The following ADAD1 variants were observed in gnomAD, a reference collection of about 807,000 sequenced individuals.
ADAD1 encodes the protein adenosine deaminase domain containing 1.
ADAD1 carries 46 observed loss-of-function variants against 66.8 expected under a neutral mutation model. That is an observed-to-expected ratio of 0.69 (90% CI 0.54 to 0.88). The LOEUF is 0.88. Ranked by LOEUF, ADAD1 falls within the 40% of genes least tolerant of loss-of-function variation. The pLI is 0.00. For missense variants in ADAD1, 617 were observed against 681.8 expected, an observed-to-expected ratio of 0.91 and a Z score of 1.06; for synonymous variants, 248 against 229.4, an observed-to-expected ratio of 1.08 and a Z score of -0.73.
At chr4:122,419,925 A>G (rs1796927735) in intron 11 of ADAD1, among the ~76,000 whole-genome samples, 1 of 152,228 alleles carries the variant, frequency 6.6e-6, no homozygotes. Flanking sequence ...AAAAAATATT[A>G]TCATGATTGA....
chr4:122,423,576 G>A (rs1307133276), intron 12 of ADAD1, among the ~76,000 whole-genome samples: 1 of 152,082 alleles, frequency 6.6e-6, no homozygotes, highest in African/African-American at 2.4e-5. Context: ...AGCAACAGTG[G>A]AGGCCATCCC....
At chr4:122,389,905 A>G (rs967337591) in intron 5 of ADAD1, among the ~76,000 whole-genome samples, 6 of 152,088 alleles carry the variant, frequency 3.9e-5, no homozygotes, top group Non-Finnish European at 8.8e-5. Context: ...TCATGATGCT[A>G]TTTGGTTATT....
chr4:122,396,768 A>G lies in ADAD1; in HGVS notation c.724+391A>G, dbSNP rs1409571748. Among the ~76,000 whole-genome samples the G allele has an allele frequency of 2.0e-5, 3 of 152,290 alleles. No homozygotes were observed. In the East Asian group the frequency reaches 5.8e-4, roughly 29 times the overall value. On this transcript the variant is annotated intron_variant, in intron 7 of 12. Coordinates refer to ENST00000296513, the MANE Select transcript of ADAD1 (RefSeq NM_139243.4). ...GTTTTTATCTTGTGTTAACGCTTTA[A>G]TGTTCTGAGTTCATCATTAATTAAA...
At chr4:122,422,268 G>A (rs1440572629) in intron 12 of ADAD1, among the ~76,000 whole-genome samples, 1 of 151,936 alleles carries the variant, frequency 6.6e-6, no homozygotes, top group Non-Finnish European at 1.5e-5. Context: ...GAGATTATAG[G>A]TGCACACCAC....
chr4:122,406,709 C>T (rs1796229028), intron 7 of ADAD1, among the ~76,000 whole-genome samples: 1 of 152,098 alleles, frequency 6.6e-6, no homozygotes, highest in Non-Finnish European at 1.5e-5. Flanking sequence ...ATTAGCTATA[C>T]TTCTCTCTTT....
chr4:122,421,487 T>G, intron 12 of ADAD1, 97 bp downstream of exon 12: 2 of 1,155,720 alleles, frequency 1.7e-6, no homozygotes, highest in Non-Finnish European at 2.3e-6. Flanking sequence ...GTTTGTTGAA[T>G]ACTTCCTGAA....
At chr4:122,411,093 A>T in intron 8 of ADAD1, 129 bp from the exon 9 acceptor site, 5 of 670,370 alleles carry the variant, frequency 7.5e-6, no homozygotes, top group Non-Finnish European at 9.5e-6. Context: ...AGATTGATTT[A>T]GGAGTTCTTA....
At chr4:122,421,417 C>T (rs1796996955) in intron 12 of ADAD1, 27 bp downstream of exon 12, 3 of 1,480,514 alleles carry the variant, frequency 2.0e-6, no homozygotes, top group Non-Finnish European at 2.7e-6. Flanking sequence ...ATAAAGTTAT[C>T]ATAGGAATAA....
chr4:122,429,735 T>A lies in ADAD1; in HGVS notation c.1727T>A (p.Met576Lys), dbSNP rs369500195. The A allele has an allele frequency of 4.4e-5, 70 of 1,591,070 alleles. No individual in the cohort carries two copies. The highest frequency in any genetic ancestry group is 5.9e-5 in the Non-Finnish European group (69 of 1,161,116). ...TCTCCCTGCATAGAGCAATTTAACATGTGAAATAGGCAATCCATTATCACA... is the reference window on the plus strand; with the variant it reads ...TCTCCCTGCATAGAGCAATTTAACAAGTGAAATAGGCAATCCATTATCACA... ...VKSPCIEQFN[M>K] The change falls in exon 13 of 13, where the codon ATG becomes AAG. Residue 576 changes from methionine to lysine, a missense_variant. By Grantham distance (95) the Met-to-Lys change is moderately conservative. Transcript: ENST00000296513.
chr4:122,380,105 G>A lies in ADAD1; in HGVS notation c.36G>A (p.Gln12=), dbSNP rs1181331899. 1 of 1,613,960 alleles carries A rather than the reference G, an allele frequency of 6.2e-7. No individual in the cohort carries two copies. Among genetic ancestry groups the A allele is most frequent in the Non-Finnish European group, 8.5e-7 (1 of 1,179,990 alleles). ...ACAATCATTGGTTTCAGAGTTCGCAGGTCCCCAGCTTTGCCCAGATGCTGA... is the reference window on the plus strand; with the variant it reads ...ACAATCATTGGTTTCAGAGTTCGCAAGTCCCCAGCTTTGCCCAGATGCTGA... ...ASNNHWFQSS[Q]VPSFAQMLKK... is the part of the protein sequence containing the mutation. Residue 12 remains glutamine, a synonymous_variant, in exon 3 of 13, where the codon CAG becomes CAA. Coordinates refer to ENST00000296513, the MANE Select transcript of ADAD1 (RefSeq NM_139243.4).
intron 5 of ADAD1, among the ~76,000 whole-genome samples, chr4:122,389,792 T>A (rs1274747720): frequency 6.6e-6 from 1 of 152,198 alleles, no homozygotes; most frequent in African/African-American, 2.4e-5. Flanking sequence ...CACCAATGGG[T>A]CTTGACTCCT....
intron 7 of ADAD1, among the ~76,000 whole-genome samples, chr4:122,398,765 T>TAA (rs2090911787): frequency 6.6e-6 from 1 of 152,126 alleles, no homozygotes; most frequent in Non-Finnish European, 1.5e-5. Context: ...TTGTCCATGT[T>TAA]ATATCTTCTT....
rs773680453 is a variant in ADAD1, at chr4:122,396,292, TAAAG to T, written c.645_648del (p.Glu215AspfsTer5). ...AATATGCAAAGATTTCACAGATCGTTAAAGAAAGATTTAATCAACTAATTTCTAA... is the reference window on the plus strand; with the variant it reads ...AATATGCAAAGATTTCACAGATCGTTAAAGATTTAATCAACTAATTTCTAA... On this transcript the variant is annotated frameshift_variant, in exon 7 of 13. Coordinates refer to ENST00000296513, the MANE Select transcript of ADAD1 (RefSeq NM_139243.4). LOFTEE classifies it high-confidence loss of function. The T allele has an allele frequency of 5.0e-6, 8 of 1,598,734 alleles. No individual in the cohort carries two copies. The highest frequency in any genetic ancestry group is 3.5e-5 in the Admixed American group (2 of 57,378).
At chr4:122,429,412 CT>C (rs1414538512) in intron 12 of ADAD1, among the ~76,000 whole-genome samples, 1 of 150,536 alleles carries the variant, frequency 6.6e-6, no homozygotes. Flanking sequence ...AGAACAAGAC[CT>C]TGGCTCTTAG....
chr4:122,418,210 A>G (rs567777476), intron 11 of ADAD1, among the ~76,000 whole-genome samples: 54 of 152,268 alleles, frequency 3.5e-4, no homozygotes, highest in African/African-American at 1.3e-3. Context: ...AACCACACAA[A>G]TATAATTTAA....
intron 5 of ADAD1, among the ~76,000 whole-genome samples, chr4:122,391,155 C>T (rs1250924558): frequency 6.6e-6 from 1 of 152,130 alleles, no homozygotes; most frequent in Non-Finnish European, 1.5e-5. Flanking sequence ...GGGTTCACTT[C>T]AGGCCCTATT....
At chr4:122,399,859 G>A (rs1216436870) in intron 7 of ADAD1, among the ~76,000 whole-genome samples, 2 of 150,812 alleles carry the variant, frequency 1.3e-5, no homozygotes, top group Non-Finnish European at 2.9e-5. Flanking sequence ...TTTGTATCCT[G>A]GAACTTTATT....
intron 11 of ADAD1, 151 bp downstream of exon 11, chr4:122,415,767 T>G: frequency 1.5e-6 from 1 of 680,472 alleles, no homozygotes; most frequent in Non-Finnish European, 2.2e-6. Context: ...TTACAGGCAT[T>G]GTACTAATTT....
chr4:122,421,542 C>T, intron 12 of ADAD1, 152 bp downstream of exon 12: 1 of 697,698 alleles, frequency 1.4e-6, no homozygotes, highest in Non-Finnish European at 2.0e-6. Context: ...TTTAAATGAA[C>T]ATGTCAGAAA....
Sources: allele counts gnomAD v4.1 joint callset (sites outside exome capture counted in the v4.1 genomes callset), GRCh38; gene constraint gnomAD v4.1.1; transcripts MANE v1.5; gene names NCBI Gene and HGNC (gene_info 2026-07-23, HGNC 2026-07-21).